The following RGS6 variants were observed in gnomAD, a reference collection of about 807,000 sequenced individuals.
The protein encoded by RGS6 is regulator of G protein signaling 6.
Under a neutral mutation model 78.5 loss-of-function variants are expected in RGS6, and 30 were observed. The observed-to-expected ratio is 0.38, with a 90% CI of 0.29 to 0.52. The LOEUF (loss-of-function observed/expected upper bound fraction) is 0.52, where lower values mean the gene tolerates loss of function less well. Ranked by LOEUF, RGS6 falls within the 20% of genes least tolerant of loss-of-function variation. The pLI is 0.85. For missense variants in RGS6, 495 were observed against 609.7 expected (o/e 0.81, Z 1.98); for synonymous variants, 206 against 206.0 (o/e 1.00, Z 0.00).
intron 1 of RGS6, among the ~76,000 whole-genome samples, chr14:71,948,740 C>CTT (rs71305831): frequency 1.2e-3 from 75 of 65,174 alleles, no homozygotes; most frequent in East Asian, 9.9e-3. Flanking sequence ...CTCTCTCTCT[C>CTT]TTTTTTTTTT....
intron 2 of RGS6, among the ~76,000 whole-genome samples, chr14:72,167,274 G>T (rs960198734): frequency 6.6e-6 from 1 of 152,250 alleles, no homozygotes; most frequent in African/African-American, 2.4e-5. Flanking sequence ...TTCCTTGACA[G>T]ATGGGCCTGC....
At chr14:72,112,647 C>T (rs1256960578) in intron 2 of RGS6, among the ~76,000 whole-genome samples, 1 of 152,134 alleles carries the variant, frequency 6.6e-6, no homozygotes, top group Non-Finnish European at 1.5e-5. Context: ...TCAGTTAGTC[C>T]TCCTAATAGT....
At chr14:71,902,373 A>G in the RGS6 span, among the ~76,000 whole-genome samples, 1 of 152,316 alleles carries the variant, frequency 6.6e-6, no homozygotes, top group South Asian at 2.1e-4. Flanking sequence ...ATTAGGCTTA[A>G]AGAAAAAGCA....
At position 72,457,882 on chromosome 14, in the gene RGS6, T is replaced by A. The variant is rs112355791; in HGVS notation, c.236-389T>A. ...ACTGCTGGGGATGATGAAACTGGTATGAATCAGAGCTGCTAGCACTTACGG... is the reference window on the plus strand; with the variant it reads ...ACTGCTGGGGATGATGAAACTGGTAAGAATCAGAGCTGCTAGCACTTACGG... On this transcript the variant is annotated intron_variant, in intron 4 of 17. Coordinates refer to ENST00000553525, the MANE Select transcript of RGS6 (RefSeq NM_001204424.2). Among the ~76,000 whole-genome samples, 101 of 152,328 alleles carry A rather than the reference T, an allele frequency of 6.6e-4. 1 individual carries two copies. The highest frequency in any genetic ancestry group is 2.3e-3 in the African/African-American group (94 of 41,582).
At chr14:72,099,515 A>G (rs2095483774) in intron 2 of RGS6, among the ~76,000 whole-genome samples, 1 of 152,008 alleles carries the variant, frequency 6.6e-6, no homozygotes, top group South Asian at 2.1e-4. Context: ...CTAATGTTTC[A>G]CCTTAGGCAC....
At chr14:72,131,584 T>C (rs1293147812) in intron 2 of RGS6, among the ~76,000 whole-genome samples, 1 of 152,210 alleles carries the variant, frequency 6.6e-6, no homozygotes, top group Non-Finnish European at 1.5e-5. Flanking sequence ...AAAGAAACTT[T>C]TGTATCCTTC....
intron 17 of RGS6, among the ~76,000 whole-genome samples, chr14:72,549,098 T>C (rs1006213921): frequency 2.6e-5 from 4 of 152,184 alleles, no homozygotes; most frequent in East Asian, 1.9e-4. Context: ...TTTGCTGAGA[T>C]TGGAGGAGAG....
chr14:72,085,543 C>G (rs1488261579), intron 2 of RGS6, among the ~76,000 whole-genome samples: 1 of 152,064 alleles, frequency 6.6e-6, no homozygotes, highest in African/African-American at 2.4e-5. Flanking sequence ...TGGGGCTGTG[C>G]TTCATAGCAA....
the RGS6 span, among the ~76,000 whole-genome samples, chr14:71,920,071 C>A: frequency 0.07 from 10,639 of 152,146 alleles, 446 homozygotes; most frequent in Non-Finnish European, 0.091. Flanking sequence ...GCTAGGTTAG[C>A]AATATTACAC....
chr14:72,383,185 T>TATATAC lies in RGS6; in HGVS notation c.184+30996_184+30997insCATATA, dbSNP rs1470686229. Among the ~76,000 whole-genome samples the TATATAC allele has an allele frequency of 2.3e-3, 193 of 83,746 alleles. 4 individuals carry two copies. Among genetic ancestry groups the TATATAC allele is most frequent in the African/African-American group, 0.01 (190 of 18,578 alleles). 54.9% of individuals were successfully genotyped at this position (83,746 alleles called of 152,430 possible). A position where few individuals can be genotyped will look rare whatever the true frequency, so the allele number is the denominator to read the frequency against. ...GCCATGAAAAAATTGTACATATATA[T>TATATAC]ATATATATATATATATATATATATA... On this transcript the variant is annotated intron_variant, in intron 3 of 17. Coordinates refer to ENST00000553525, the MANE Select transcript of RGS6 (RefSeq NM_001204424.2).
intron 3 of RGS6, among the ~76,000 whole-genome samples, chr14:72,391,737 A>G (rs2090036817): frequency 1.3e-5 from 2 of 152,066 alleles, no homozygotes; most frequent in African/African-American, 2.4e-5. Flanking sequence ...TCTTAATACT[A>G]TCTCTCCCCT....
At chr14:72,092,602 G>A (rs564472371) in intron 2 of RGS6, among the ~76,000 whole-genome samples, 2 of 151,802 alleles carry the variant, frequency 1.3e-5, no homozygotes, top group African/African-American at 4.8e-5. Flanking sequence ...GGCTGGTCTC[G>A]AACTCCTGAC....
intron 2 of RGS6, among the ~76,000 whole-genome samples, chr14:72,080,157 G>T (rs1349899961): frequency 6.6e-6 from 1 of 152,110 alleles, no homozygotes; most frequent in Non-Finnish European, 1.5e-5. Flanking sequence ...CATGAGCAGT[G>T]TACAAAGATT....
chr14:72,309,768 T>A (rs531949942), intron 2 of RGS6, among the ~76,000 whole-genome samples: 1 of 152,362 alleles, frequency 6.6e-6, no homozygotes, highest in Admixed American at 6.5e-5. Flanking sequence ...AACAGACTGG[T>A]CCCTCAAATC....
At chr14:72,186,548 C>A (rs1054890840) in intron 2 of RGS6, among the ~76,000 whole-genome samples, 3 of 152,172 alleles carry the variant, frequency 2.0e-5, no homozygotes, top group Admixed American at 6.5e-5. Context: ...TTTGAGTGTG[C>A]TGAGGTGACC....
At chr14:72,334,965 C>T (rs1035227353) in intron 2 of RGS6, among the ~76,000 whole-genome samples, 5 of 152,134 alleles carry the variant, frequency 3.3e-5, no homozygotes, top group African/African-American at 4.8e-5. Flanking sequence ...AATTGTACCT[C>T]CTATAATTCC....
intron 12 of RGS6, among the ~76,000 whole-genome samples, chr14:72,487,927 T>C (rs1566964351): frequency 6.6e-6 from 1 of 152,194 alleles, no homozygotes; most frequent in Non-Finnish European, 1.5e-5. Context: ...TCTTTGTCTT[T>C]AATATACCAG....
chr14:72,497,780 G>A (rs2096664261), intron 13 of RGS6, among the ~76,000 whole-genome samples: 1 of 152,020 alleles, frequency 6.6e-6, no homozygotes, highest in South Asian at 2.1e-4. Flanking sequence ...TGAGCCCTAG[G>A]TAGTTCCTTC....
intron 2 of RGS6, among the ~76,000 whole-genome samples, chr14:72,144,318 T>C (rs1257608184): frequency 6.6e-6 from 1 of 152,206 alleles, no homozygotes; most frequent in Non-Finnish European, 1.5e-5. Flanking sequence ...GCAAAAAAGC[T>C]AAAATTCTTA....
Sources: gnomAD v4.1 joint callset for allele counts (sites outside exome capture counted in the v4.1 genomes callset) on GRCh38, gnomAD v4.1.1 for gene constraint, MANE v1.5 for transcripts, NCBI Gene and HGNC (gene_info 2026-07-23, HGNC 2026-07-21) for gene names.